Variants in ANGPT2 observed in about 807,000 individuals in gnomAD.
ANGPT2 encodes angiopoietin-2.
In ANGPT2, 28 loss-of-function variants were observed where a neutral mutation model predicts 62.9. That is an observed-to-expected ratio of 0.44 (90% CI 0.33 to 0.61). ANGPT2 has a LOEUF of 0.61. Ranked by LOEUF, ANGPT2 falls within the 20% of genes least tolerant of loss-of-function variation. ANGPT2 has a pLI of 0.03. For missense variants in ANGPT2, 727 were observed against 594.9 expected, an observed-to-expected ratio of 1.22 and a Z score of -2.31; for synonymous variants, 284 against 207.8, an observed-to-expected ratio of 1.37 and a Z score of -3.15.
intron 2 of ANGPT2, among the ~76,000 whole-genome samples, chr8:6,527,899 A>ATTTTTTTTTTGT (rs1818657403): frequency 7.5e-6 from 1 of 133,122 alleles, no homozygotes; most frequent in Non-Finnish European, 1.6e-5. Flanking sequence ...CCACGTCTCT[A>ATTTTTTTTTTGT]TTTTTTTTTT....
chr8:6,528,736 G>A (rs1563351353), intron 2 of ANGPT2, among the ~76,000 whole-genome samples: 2 of 152,254 alleles, frequency 1.3e-5, no homozygotes, highest in Non-Finnish European at 2.9e-5. Context: ...ACATGCAAAT[G>A]TCAGTCAGCA....
intron 3 of ANGPT2, among the ~76,000 whole-genome samples, chr8:6,522,183 G>A (rs956631643): frequency 2.0e-5 from 3 of 151,694 alleles, no homozygotes; most frequent in East Asian, 2.0e-4. Context: ...GTGAAACCCC[G>A]TCTCCACTAA....
At position 6,562,918 on chromosome 8, in the gene ANGPT2, A is replaced by G. The variant is rs766149671; in HGVS notation, c.17T>C (p.Phe6Ser). The G allele has an allele frequency of 6.3e-7, 1 of 1,591,074 alleles. No individual in the cohort carries two copies. Among genetic ancestry groups the G allele is most frequent in the South Asian group, 1.1e-5 (1 of 89,934 alleles). ...GACAAGATCACAGCTCAGAGTAAAGAAAACAATCTGCCACATTCTTTCTTC... is the reference window on the plus strand; with the variant it reads ...GACAAGATCACAGCTCAGAGTAAAGGAAACAATCTGCCACATTCTTTCTTC... MWQIV[F>S]FTLSCDLVLA... Residue 6 changes from phenylalanine to serine, a missense_variant, in exon 1 of 9, where the codon TTC (phenylalanine) becomes TCC (serine). Phe to Ser is a radical substitution (Grantham distance 155, BLOSUM62 -2). Coordinates refer to ENST00000629816, the MANE Select transcript of ANGPT2 (RefSeq NM_001118887.2).
At chr8:6,532,563 C>A in intron 1 of ANGPT2, 76 bp from the exon 2 acceptor site, 1 of 939,440 alleles carries the variant, frequency 1.1e-6, no homozygotes. Flanking sequence ...TTGTCGTCTC[C>A]TCCCTATCTT....
At position 6,500,186 on chromosome 8, in the gene ANGPT2, AAAC is replaced by A; in HGVS notation, c.*2912_*2914del. 1 of 471,236 alleles carries A rather than the reference AAAC, an allele frequency of 2.1e-6. No individual in the cohort carries two copies. The highest frequency in any genetic ancestry group is 3.9e-6 in the Non-Finnish European group (1 of 258,388). The allele number at this position is 471,236 out of a possible 1,614,324, so 29.2% of individuals were successfully genotyped here. On this transcript the variant is annotated 3_prime_UTR_variant, in exon 9 of 9. Transcript: ENST00000629816. ...CGATTAACATCCTCAGAACTGAGAA[AAAC>A]AAAAATGAAAAAAGACTGAATTCTT...
chr8:6,546,325 G>A (rs1822568696), intron 1 of ANGPT2, among the ~76,000 whole-genome samples: 2 of 152,162 alleles, frequency 1.3e-5, no homozygotes, highest in South Asian at 2.1e-4. Context: ...GCAGTTCACC[G>A]TTTCAACAGT....
intron 1 of ANGPT2, among the ~76,000 whole-genome samples, chr8:6,553,171 G>A (rs948720939): frequency 4.6e-5 from 7 of 152,162 alleles, no homozygotes; most frequent in South Asian, 2.1e-4. Flanking sequence ...GATGTTGATC[G>A]TAGGGGAGGT....
At chr8:6,514,865 T>A in intron 5 of ANGPT2, 87 bp from the exon 6 acceptor site, 1 of 1,148,960 alleles carries the variant, frequency 8.7e-7, no homozygotes, top group Non-Finnish European at 1.3e-6. Context: ...AGACCCTGAG[T>A]GCAGGACTCA....
Position 6,559,230 on chromosome 8 carries a change from A to AACACACACACACAC in ANGPT2, c.288+3403_288+3416dup, listed in dbSNP as rs59299448. Among the ~76,000 whole-genome samples the AACACACACACACAC allele has an allele frequency of 3.6e-3, 524 of 146,824 alleles. 4 individuals carry two copies. The highest frequency in any genetic ancestry group is 9.3e-3 in the East Asian group (46 of 4,968). On this transcript the variant is annotated intron_variant, in intron 1 of 8. Coordinates refer to ENST00000629816, the MANE Select transcript of ANGPT2 (RefSeq NM_001118887.2). Reference sequence around the variant, plus strand: ...TGAGTGTTTTGTAGCCACACACGACAACACACACACACACACACACACACA... The same window carrying AACACACACACACAC: ...TGAGTGTTTTGTAGCCACACACGACAACACACACACACACACACACACACACACACACACACACA...
At chr8:6,521,540 A>G (rs1817339865) in intron 3 of ANGPT2, 130 bp from the exon 4 acceptor site, 1 of 685,536 alleles carries the variant, frequency 1.5e-6, no homozygotes, top group Non-Finnish European at 2.4e-6. Context: ...TGATGTTACC[A>G]GAGCCCTAAG....
rs534790008 is a variant in ANGPT2, at chr8:6,561,884, G to A, written c.288+763C>T. ...ACAGTGGGATCATCTGTGAAACAGT[G>A]GAATCACCCCAAGAACAAACTGTCA... is the stretch of plus-strand genomic sequence containing the variant. On this transcript the variant is annotated intron_variant, in intron 1 of 8. Transcript: ENST00000629816. Among the ~76,000 whole-genome samples, 7 of 152,264 alleles carry A rather than the reference G, an allele frequency of 4.6e-5. No individual in the cohort carries two copies. In the South Asian group the frequency reaches 1.5e-3, roughly 32 times the overall value.
Position 6,521,297 on chromosome 8 carries a change from A to G in ANGPT2, c.680T>C (p.Ile227Thr), listed in dbSNP as rs761239406. ...CACTATTTTTTTTTCTAGTTCTTCA[A>G]TGATGGAATTTTGCTTGGATACTAA... ...QVLVSKQNSI[I>T]EELEKKIVTA... The change falls in exon 4 of 9, where the codon ATT becomes ACT. Residue 227 changes from isoleucine (I) to threonine (T), a missense_variant. By Grantham distance (89) the Ile-to-Thr change is moderately conservative. Coordinates refer to ENST00000629816, the MANE Select transcript of ANGPT2 (RefSeq NM_001118887.2). 20 of 1,613,888 alleles carry G rather than the reference A, an allele frequency of 1.2e-5. No individual in the cohort carries two copies. The highest frequency in any genetic ancestry group is 2.2e-5 in the South Asian group (2 of 91,076).
Position 6,500,161 on chromosome 8 carries a change from C to T in ANGPT2, c.*2940G>A, listed in dbSNP as rs981665340. ...GGAATGCAGTCCAAAGAAAATTTGA[C>T]GATTAACATCCTCAGAACTGAGAAA... On this transcript the variant is annotated 3_prime_UTR_variant, in exon 9 of 9. Transcript: ENST00000629816. 29 of 521,456 alleles carry T rather than the reference C, an allele frequency of 5.6e-5. No individual in the cohort carries two copies. Among genetic ancestry groups the T allele is most frequent in the Admixed American group, 5.1e-4 (16 of 31,596 alleles). 32.3% of individuals were successfully genotyped at this position (521,456 alleles called of 1,614,324 possible). A position where few individuals can be genotyped will look rare whatever the true frequency, so the allele number is the denominator to read the frequency against.
At chr8:6,509,760 G>C (rs984561224) in intron 7 of ANGPT2, among the ~76,000 whole-genome samples, 2 of 152,158 alleles carry the variant, frequency 1.3e-5, no homozygotes, top group Non-Finnish European at 2.9e-5. Context: ...CCTGACCTTT[G>C]GAGCATCATA....
intron 1 of ANGPT2, among the ~76,000 whole-genome samples, chr8:6,540,263 AC>A (rs1460341724): frequency 6.6e-6 from 1 of 151,872 alleles, no homozygotes; most frequent in African/African-American, 2.4e-5. Context: ...CCTTACCACT[AC>A]TCCAAAATTT....
At chr8:6,517,627 T>C (rs2515436) in intron 5 of ANGPT2, among the ~76,000 whole-genome samples, 9,209 of 152,310 alleles carry the variant, frequency 0.06, 314 homozygotes, top group African/African-American at 0.079. Flanking sequence ...TTGAAGGCAG[T>C]GAAAATGGTG....
At chr8:6,528,193 C>T (rs941124273) in intron 2 of ANGPT2, among the ~76,000 whole-genome samples, 4 of 152,152 alleles carry the variant, frequency 2.6e-5, no homozygotes, top group African/African-American at 4.8e-5. Context: ...CCACTGCACC[C>T]GGCCGTTATG....
intron 7 of ANGPT2, among the ~76,000 whole-genome samples, chr8:6,510,969 T>A (rs1814959215): frequency 6.6e-6 from 1 of 152,236 alleles, no homozygotes; most frequent in African/African-American, 2.4e-5. Flanking sequence ...TACTCATCTC[T>A]GTTGGGATTT....
In ANGPT2 at chr8:6,500,722, A is replaced by G. The variant is rs938849331; in HGVS notation, c.*2379T>C. 1 of 152,202 alleles carries G rather than the reference A, an allele frequency of 6.6e-6. No homozygotes were observed. The allele number at this position is 152,202 out of a possible 1,614,324, so 9.4% of individuals were successfully genotyped here. A position where few individuals can be genotyped will look rare whatever the true frequency, so the allele number is the denominator to read the frequency against. On this transcript the variant is annotated 3_prime_UTR_variant, in exon 9 of 9. Coordinates refer to ENST00000629816, the MANE Select transcript of ANGPT2 (RefSeq NM_001118887.2). ...TTTATAAACATTTTCTTAAGGAGAG[A>G]CAAAAGCTCCTCTCAGCAAAACTGT...
Sources: allele counts gnomAD v4.1 joint callset (sites outside exome capture counted in the v4.1 genomes callset), GRCh38; gene constraint gnomAD v4.1.1; transcripts MANE v1.5; gene names NCBI Gene and HGNC (gene_info 2026-07-23, HGNC 2026-07-21).